Variants in TANGO6 observed in about 807,000 individuals in gnomAD.
TANGO6 encodes the protein transport and Golgi organization protein 6 homolog.
In TANGO6, 90 loss-of-function variants were observed where a neutral mutation model predicts 114.2. The ratio of observed to expected loss-of-function variants is 0.79; its 90% CI spans 0.66 to 0.94. The LOEUF (loss-of-function observed/expected upper bound fraction) is 0.94, where lower values mean the gene tolerates loss of function less well. Among genes scored for constraint, TANGO6 ranks in the 40% least tolerant of loss-of-function variants. The probability of loss-of-function intolerance (pLI) is 0.00; values close to 1 mark genes in which losing one functional copy is unlikely to be tolerated. For missense variants in TANGO6, 1,274 were observed against 1,315.3 expected, an observed-to-expected ratio of 0.97 and a Z score of 0.49; for synonymous variants, 477 against 509.8, an observed-to-expected ratio of 0.94 and a Z score of 0.87.
chr16:68,865,661 G>A (rs937808877), intron 3 of TANGO6, among the ~76,000 whole-genome samples: 3 of 151,448 alleles, frequency 2.0e-5, no homozygotes, highest in South Asian at 2.1e-4. Context: ...GCGCGGTGGC[G>A]CACTTTGGGA....
At chr16:69,078,052 G>A (rs1449313410) in intron 17 of TANGO6, among the ~76,000 whole-genome samples, 1 of 152,138 alleles carries the variant, frequency 6.6e-6, no homozygotes, top group African/African-American at 2.4e-5. Context: ...CCTAGGTGCG[G>A]GGGTTAGGGA....
rs141953131 is a variant in TANGO6, at chr16:69,017,526, G to A, written c.2843-5302G>A. 3.0e-4 allele frequency among the ~76,000 whole-genome samples: 46 copies of A among 152,086 alleles called. 1 individual carries two copies. The East Asian group carries it at 7.9e-3, about 26-fold the overall frequency. Reference sequence around the variant, plus strand: ...TTTATGTGCCTTCCTTCCTGACAAGGAACCTTCTTCCTTTAACCACAACAG... The same window carrying A: ...TTTATGTGCCTTCCTTCCTGACAAGAAACCTTCTTCCTTTAACCACAACAG... On this transcript the variant is annotated intron_variant, in intron 15 of 17. Coordinates refer to ENST00000261778, the MANE Select transcript of TANGO6 (RefSeq NM_024562.2).
intron 14 of TANGO6, among the ~76,000 whole-genome samples, chr16:68,958,554 GAAGGAAAGAAAAGA>G (rs916113088): frequency 8.0e-4 from 120 of 150,788 alleles, no homozygotes; most frequent in African/African-American, 2.4e-3. Flanking sequence ...AGGGAGGGAG[GAAGGAAAGAAAAGA>G]AAGGAAAGAA....
chr16:68,980,554 C>A (rs117866895), intron 15 of TANGO6, among the ~76,000 whole-genome samples: 1 of 150,944 alleles, frequency 6.6e-6, no homozygotes, highest in East Asian at 1.9e-4. Context: ...TGCACACGAG[C>A]CACTGCACCT....
rs748580218 is a variant in TANGO6 at position 68,902,466 on chromosome 16, T to C, written c.1629T>C (p.Thr543=). The C allele has an allele frequency of 6.2e-7, 1 of 1,613,158 alleles. No individual in the cohort carries two copies. The highest frequency in any genetic ancestry group is 1.1e-5 in the South Asian group (1 of 90,946). ...CTCTGTGTCAGTTTAGAGTTGCCAC[T>C]CAAGGTGGCATTATGATTACCATCA... The part of the protein sequence containing the change: ...LHSLCQFRVA[T]QGGIMITIKE... Residue 543 remains threonine, a synonymous_variant, in exon 9 of 18, where the codon ACT becomes ACC. Transcript: ENST00000261778.
At chr16:68,905,505 C>T (rs1439504654) in intron 9 of TANGO6, among the ~76,000 whole-genome samples, 3 of 150,574 alleles carry the variant, frequency 2.0e-5, no homozygotes, top group East Asian at 3.9e-4. Flanking sequence ...CATTGCACTC[C>T]AGCCTAGGTG....
intron 17 of TANGO6, among the ~76,000 whole-genome samples, chr16:69,041,606 G>A (rs189882827): frequency 1.3e-5 from 2 of 151,980 alleles, no homozygotes; most frequent in Non-Finnish European, 1.5e-5. Flanking sequence ...TTCTCTTTAC[G>A]TAGTGACTTG....
intron 11 of TANGO6, among the ~76,000 whole-genome samples, chr16:68,915,997 T>TGC (rs1962998535): frequency 6.6e-6 from 1 of 152,344 alleles, no homozygotes; most frequent in East Asian, 1.9e-4. Flanking sequence ...TGTATTTGTG[T>TGC]GCTGTCATTT....
chr16:68,962,524 G>A (rs1376570428), intron 14 of TANGO6, among the ~76,000 whole-genome samples: 1 of 152,088 alleles, frequency 6.6e-6, no homozygotes, highest in Non-Finnish European at 1.5e-5. Flanking sequence ...AGTCTTTAAA[G>A]AGTCGAAAAA....
At chr16:68,897,343 C>T (rs950818902) in intron 7 of TANGO6, among the ~76,000 whole-genome samples, 1 of 152,170 alleles carries the variant, frequency 6.6e-6, no homozygotes, top group Non-Finnish European at 1.5e-5. Context: ...CCTGCCTCCT[C>T]TACTAGAATA....
chr16:68,933,447 A>G lies in TANGO6; in HGVS notation c.2701+3152A>G, dbSNP rs1963267291. On this transcript the variant is annotated intron_variant, in intron 14 of 17. Coordinates refer to ENST00000261778, the MANE Select transcript of TANGO6 (RefSeq NM_024562.2). ...AGCAACAACAACAAACTACCCTGAC[A>G]CTCAGTAACCTGAAACACCAATCAT... 2.6e-5 allele frequency among the ~76,000 whole-genome samples: 4 copies of G among 152,312 alleles called. No homozygotes were observed. In the South Asian group the frequency reaches 8.3e-4, roughly 32 times the overall value.
intron 12 of TANGO6, among the ~76,000 whole-genome samples, chr16:68,926,348 G>A (rs1049857091): frequency 4.0e-5 from 6 of 151,526 alleles, no homozygotes; most frequent in African/African-American, 7.3e-5. Context: ...TAAAAAATTA[G>A]CCAGGCATGG....
intron 4 of TANGO6, among the ~76,000 whole-genome samples, chr16:68,871,171 T>C (rs1216751047): frequency 2.0e-5 from 3 of 152,150 alleles, no homozygotes; most frequent in Non-Finnish European, 4.4e-5. Flanking sequence ...TTATTGGGCA[T>C]AGAATTCTAG....
intron 6 of TANGO6, among the ~76,000 whole-genome samples, chr16:68,879,351 T>C (rs2152170031): frequency 6.6e-6 from 1 of 151,492 alleles, no homozygotes; most frequent in Admixed American, 6.6e-5. Context: ...GGCGTGGTGG[T>C]GCACGCCTGT....
intron 15 of TANGO6, among the ~76,000 whole-genome samples, chr16:68,996,355 G>C (rs1380192742): frequency 2.6e-5 from 4 of 152,150 alleles, no homozygotes; most frequent in Non-Finnish European, 4.4e-5. Context: ...ATTGTAAACT[G>C]TGTCGACTCT....
chr16:68,976,706 A>G (rs190253570), intron 15 of TANGO6, among the ~76,000 whole-genome samples: 1 of 152,340 alleles, frequency 6.6e-6, no homozygotes, highest in African/African-American at 2.4e-5. Flanking sequence ...TACAGTATCC[A>G]TTTGAGCCAG....
chr16:68,868,213 C>T (rs992988116), intron 4 of TANGO6, among the ~76,000 whole-genome samples: 2 of 150,620 alleles, frequency 1.3e-5, no homozygotes, highest in Admixed American at 1.3e-4. Flanking sequence ...GAGATGCAAA[C>T]TTTGGGATGA....
intron 15 of TANGO6, among the ~76,000 whole-genome samples, chr16:68,987,309 A>G (rs1396273269): frequency 6.6e-6 from 1 of 152,102 alleles, no homozygotes; most frequent in Non-Finnish European, 1.5e-5. Context: ...ACCAAAGTGG[A>G]ATTACTGGGT....
At chr16:68,965,932 C>G (rs1396880967) in intron 14 of TANGO6, among the ~76,000 whole-genome samples, 1 of 151,988 alleles carries the variant, frequency 6.6e-6, no homozygotes, top group African/African-American at 2.4e-5. Context: ...CATTGATCCA[C>G]TTAAAGTGAA....
Sources: allele counts gnomAD v4.1 joint callset (sites outside exome capture counted in the v4.1 genomes callset), GRCh38; gene constraint gnomAD v4.1.1; transcripts MANE v1.5; gene names NCBI Gene and HGNC (gene_info 2026-07-23, HGNC 2026-07-21).